VAV2: variants seen among roughly 807,000 people sequenced by gnomAD.
The protein encoded by VAV2 is vav guanine nucleotide exchange factor 2, also known as guanine nucleotide exchange factor VAV2.
In VAV2, 67 loss-of-function variants were observed where a neutral mutation model predicts 132.5. The ratio of observed to expected loss-of-function variants is 0.51; its 90% CI spans 0.42 to 0.62. The LOEUF is 0.62. VAV2 is among the 20% of genes least tolerant of loss of function. The probability of loss-of-function intolerance (pLI) is 0.00; values close to 1 mark genes in which losing one functional copy is unlikely to be tolerated. For synonymous variants in VAV2, 492 were observed against 443.5 expected (o/e 1.11, Z -1.37); for missense variants, 938 against 1,153.6 (o/e 0.81, Z 2.71).
At chr9:133,831,927 G>A (rs180813339) in intron 4 of VAV2, among the ~76,000 whole-genome samples, 121 of 152,254 alleles carry the variant, frequency 7.9e-4, no homozygotes, top group Admixed American at 2.4e-3. Context: ...TTCCTTATCT[G>A]TAAAATGAGG....
At chr9:133,877,542 A>T (rs1162498030) in intron 2 of VAV2, among the ~76,000 whole-genome samples, 1 of 152,222 alleles carries the variant, frequency 6.6e-6, no homozygotes, top group Non-Finnish European at 1.5e-5. Flanking sequence ...TCAAATGATG[A>T]AACTGAGGGT....
rs981068732 is a variant in VAV2 at position 133,863,538 on chromosome 9, A to G, written c.322-2106T>C. Among the ~76,000 whole-genome samples the G allele has an allele frequency of 2.6e-5, 4 of 152,166 alleles. No individual in the cohort carries two copies. The highest frequency in any genetic ancestry group is 9.7e-5 in the African/African-American group (4 of 41,436). On this transcript the variant is annotated intron_variant, in intron 2 of 29. Transcript: ENST00000371850. The surrounding 1 kb of genome is among the most constrained non-coding windows in gnomAD (Gnocchi z 5.0). ...CCATGCATCTGTGGCCCCTGTGGACAATTTCTACAGCTGCTATGACCACAG... is the reference window on the plus strand; with the variant it reads ...CCATGCATCTGTGGCCCCTGTGGACGATTTCTACAGCTGCTATGACCACAG...
Position 133,820,571 on chromosome 9 carries a change from C to T in VAV2, c.450-8355G>A, listed in dbSNP as rs376711206. Among the ~76,000 whole-genome samples the T allele has an allele frequency of 5.3e-5, 8 of 152,060 alleles. No individual in the cohort carries two copies. In the East Asian group the frequency reaches 5.8e-4, roughly 11 times the overall value. On this transcript the variant is annotated intron_variant, in intron 4 of 29. Coordinates refer to ENST00000371850, the MANE Select transcript of VAV2 (RefSeq NM_001134398.2). ...CAATCTCCTGACCTCGTGATCCGCCCGCCTCGGCCTCCCAAAGTGCTGGGA... is the reference window on the plus strand; with the variant it reads ...CAATCTCCTGACCTCGTGATCCGCCTGCCTCGGCCTCCCAAAGTGCTGGGA...
Position 133,834,642 on chromosome 9 carries a change from C to T in VAV2, c.381-302G>A, listed in dbSNP as rs764656499. On this transcript the variant is annotated intron_variant, in intron 3 of 29. Coordinates refer to ENST00000371850, the MANE Select transcript of VAV2 (RefSeq NM_001134398.2). This position sits in a 1 kb window ranked among gnomAD's most constrained non-coding sequence, Gnocchi z 5.9. ...AGGCCCAGGTCAGGGCTGCAGAAAG[C>T]GTTCATCTGCTGGGCGACCTGCCTT... 1.3e-5 allele frequency among the ~76,000 whole-genome samples: 2 copies of T among 152,256 alleles called. No individual in the cohort carries two copies. Among genetic ancestry groups the T allele is most frequent in the African/African-American group, 4.8e-5 (2 of 41,480 alleles).
At chr9:133,846,624 G>A (rs961889534) in intron 3 of VAV2, among the ~76,000 whole-genome samples, 2 of 152,072 alleles carry the variant, frequency 1.3e-5, no homozygotes, top group Admixed American at 1.3e-4. Flanking sequence ...CTTCTGCCTG[G>A]GCCTCCCTGT....
chr9:133,979,165 G>T (rs1253149965), intron 1 of VAV2, among the ~76,000 whole-genome samples: 1 of 152,222 alleles, frequency 6.6e-6, no homozygotes, highest in East Asian at 1.9e-4. Context: ...CCACCCTGCA[G>T]GGGCTGGGAG....
intron 2 of VAV2, among the ~76,000 whole-genome samples, chr9:133,936,552 C>A (rs920558685): frequency 5.9e-5 from 9 of 152,008 alleles, no homozygotes; most frequent in Admixed American, 2.6e-4. Flanking sequence ...CCAGCCATTG[C>A]ATCTTTATGT....
intron 9 of VAV2, among the ~76,000 whole-genome samples, chr9:133,798,802 C>T (rs1055521246): frequency 2.6e-5 from 4 of 152,238 alleles, no homozygotes; most frequent in African/African-American, 9.6e-5. Context: ...CCCCACTCTT[C>T]AGGCAGGGAG....
chr9:133,967,946 A>C (rs923286511), intron 1 of VAV2, among the ~76,000 whole-genome samples: 5 of 151,690 alleles, frequency 3.3e-5, no homozygotes, highest in African/African-American at 9.7e-5. Flanking sequence ...AAAAAAAAAA[A>C]AAAAAAAAAA....
chr9:133,923,251 G>T (rs981066189), intron 2 of VAV2, among the ~76,000 whole-genome samples: 4 of 152,194 alleles, frequency 2.6e-5, no homozygotes, highest in Admixed American at 2.6e-4. Flanking sequence ...ATGGAAAATG[G>T]TGACGCCACT....
intron 3 of VAV2, among the ~76,000 whole-genome samples, chr9:133,836,849 C>T (rs1200445684): frequency 6.6e-6 from 1 of 152,210 alleles, no homozygotes; most frequent in Non-Finnish European, 1.5e-5. Context: ...GCGTGCCTCT[C>T]ACTCTTCCTG....
rs572330526 is a variant in VAV2 at position 133,919,137 on chromosome 9, G to A, written c.321+19966C>T. 3.9e-5 allele frequency among the ~76,000 whole-genome samples: 6 copies of A among 151,954 alleles called. No homozygotes were observed. Among genetic ancestry groups the A allele is most frequent in the Non-Finnish European group, 5.9e-5 (4 of 67,994 alleles). On this transcript the variant is annotated intron_variant, in intron 2 of 29. Transcript: ENST00000371850. This position sits in a 1 kb window ranked among gnomAD's most constrained non-coding sequence, Gnocchi z 5.8. ...ACACTTTCTTCACTGACCTAGCTCC[G>A]CCCTCTCCATCAGGCCTGGCTCTGC...
chr9:133,862,370 G>A (rs1318027734), intron 2 of VAV2, among the ~76,000 whole-genome samples: 4 of 152,230 alleles, frequency 2.6e-5, no homozygotes, highest in Non-Finnish European at 5.9e-5. Flanking sequence ...TGAGATGGGC[G>A]GGAAGCTGTC....
In VAV2 at chr9:133,764,073, C is replaced by T; in HGVS notation, c.2626G>A (p.Gly876Ser). Residue 876 changes from glycine to serine, a missense_variant, in exon 30 of 30, where the codon GGC (glycine) becomes AGC (serine). By Grantham distance (56) the Gly-to-Ser change is moderately conservative. Transcript: ENST00000371850. Reference protein sequence around the residue: ...WFPSTYVEEEGIQ With the variant: ...WFPSTYVEEESIQ ...CCACGTTCCTGCCGTCACTGGATGC[C>T]CTCCTCTTCTACGTACGTTGAAGGA... The T allele has an allele frequency of 6.2e-7, 1 of 1,613,964 alleles. No homozygotes were observed. Among genetic ancestry groups the T allele is most frequent in the East Asian group, 2.2e-5 (1 of 44,870 alleles).
At chr9:133,835,282 C>G (rs760488786) in intron 3 of VAV2, among the ~76,000 whole-genome samples, 3 of 152,132 alleles carry the variant, frequency 2.0e-5, no homozygotes, top group Non-Finnish European at 4.4e-5. Context: ...CCTCTGCAGA[C>G]AGACAGATGG....
At chr9:133,767,525 A>C (rs1445682335) in intron 29 of VAV2, among the ~76,000 whole-genome samples, 2 of 152,234 alleles carry the variant, frequency 1.3e-5, no homozygotes, top group African/African-American at 4.8e-5. Flanking sequence ...AGGCACTTTT[A>C]ATGCCAATCA....
chr9:133,807,402 G>A, intron 7 of VAV2, 76 bp from the exon 8 acceptor site: 1 of 1,469,408 alleles, frequency 6.8e-7, no homozygotes, highest in South Asian at 1.3e-5. Flanking sequence ...CCAGGGGAGG[G>A]TCCCAGGGCA....
At chr9:133,789,416 G>A (rs1834364028) in intron 13 of VAV2, 73 bp from the exon 14 acceptor site, 1 of 1,469,758 alleles carries the variant, frequency 6.8e-7, no homozygotes, top group Non-Finnish European at 9.5e-7. Flanking sequence ...GGGCAGGGCA[G>A]ACTGTCGTGC....
chr9:133,966,345 A>G (rs995888840), intron 1 of VAV2, among the ~76,000 whole-genome samples: 3 of 152,238 alleles, frequency 2.0e-5, no homozygotes, highest in Admixed American at 6.5e-5. Context: ...TGAAGAGAAA[A>G]CCTACAGGAT....
Sources: allele counts gnomAD v4.1 joint callset (sites outside exome capture counted in the v4.1 genomes callset), GRCh38; gene constraint gnomAD v4.1.1; non-coding constraint Gnocchi (gnomAD v3.1); transcripts MANE v1.5; gene names NCBI Gene and HGNC (gene_info 2026-07-23, HGNC 2026-07-21).